Variants in EPS8 observed in about 807,000 individuals in gnomAD.
EPS8 encodes epidermal growth factor receptor kinase substrate 8.
A neutral mutation model predicts 103.8 loss-of-function variants in EPS8; 42 were observed. That is an observed-to-expected ratio of 0.40 (90% confidence interval 0.32 to 0.52). EPS8 has a LOEUF of 0.52. EPS8 is among the 20% of genes least tolerant of loss of function. The pLI, the probability that EPS8 is intolerant of heterozygous loss-of-function variation, is 0.40. For synonymous variants in EPS8, 344 were observed against 344.6 expected, an observed-to-expected ratio of 1.00 and a Z score of 0.02; for missense variants, 969 against 1,005.1, an observed-to-expected ratio of 0.96 and a Z score of 0.49.
rs1216826671 is a variant in EPS8 at position 15,759,134 on chromosome 12, A to G, written c.-22+30027T>C. On this transcript the variant is annotated intron_variant, in intron 1 of 20. Coordinates refer to ENST00000281172, the MANE Select transcript of EPS8 (RefSeq NM_004447.6). The surrounding 1 kb of genome is among the most constrained non-coding windows in gnomAD (Gnocchi z 4.9). ...ATTAGCTTATGTGTTAATATTTCAT[A>G]ATATGGTATTGTTATATCCCCTATG... Among the ~76,000 whole-genome samples, 2 of 152,122 alleles carry G rather than the reference A, an allele frequency of 1.3e-5. No individual in the cohort carries two copies. Among genetic ancestry groups the G allele is most frequent in the African/African-American group, 4.8e-5 (2 of 41,428 alleles).
chr12:15,698,581 G>T lies in EPS8; in HGVS notation c.-21-15609C>A, dbSNP rs951982835. 6.6e-6 allele frequency among the ~76,000 whole-genome samples: 1 copy of T among 151,302 alleles called. No homozygotes were observed. Among genetic ancestry groups the T allele is most frequent in the Non-Finnish European group, 1.5e-5 (1 of 67,896 alleles). On this transcript the variant is annotated intron_variant, in intron 1 of 20. Coordinates refer to ENST00000281172, the MANE Select transcript of EPS8 (RefSeq NM_004447.6). This position sits in a 1 kb window ranked among gnomAD's most constrained non-coding sequence, Gnocchi z 4.9. ...TTAAAAAAAAAAAAAAAATTTAGCTGCTAAGAAGCCCCAGGAATAGCACGT... is the reference window on the plus strand; with the variant it reads ...TTAAAAAAAAAAAAAAAATTTAGCTTCTAAGAAGCCCCAGGAATAGCACGT...
chr12:15,724,652 G>A (rs1050965155), intron 1 of EPS8, among the ~76,000 whole-genome samples: 1 of 152,166 alleles, frequency 6.6e-6, no homozygotes, highest in Non-Finnish European at 1.5e-5. Flanking sequence ...GACCTGGTGG[G>A]AGATAACTGA....
At position 15,784,851 on chromosome 12, in the gene EPS8, T is replaced by A. The variant is rs1400304463; in HGVS notation, c.-22+4310A>T. Among the ~76,000 whole-genome samples, 1 of 152,040 alleles carries A rather than the reference T, an allele frequency of 6.6e-6. No homozygotes were observed. The highest frequency in any genetic ancestry group is 1.5e-5 in the Non-Finnish European group (1 of 67,956). ...TGAACCTTAAATGTGTATTGCTAAA[T>A]GAAAGAAGCCAGTCTGGCAAGGCTG... On this transcript the variant is annotated intron_variant, in intron 1 of 20. Coordinates refer to ENST00000281172, the MANE Select transcript of EPS8 (RefSeq NM_004447.6). This position sits in a 1 kb window ranked among gnomAD's most constrained non-coding sequence, Gnocchi z 4.0.
chr12:15,657,314 T>C (rs768471291), intron 12 of EPS8, among the ~76,000 whole-genome samples: 1 of 152,208 alleles, frequency 6.6e-6, no homozygotes, highest in Non-Finnish European at 1.5e-5. Context: ...ATCTTCTCAG[T>C]GAGGCTTCCT....
At chr12:15,683,129 G>T (rs1946038350) in intron 1 of EPS8, 157 bp from the exon 2 acceptor site, 1 of 443,770 alleles carries the variant, frequency 2.3e-6, no homozygotes, top group African/African-American at 2.1e-5. Flanking sequence ...GGCCCCAGAG[G>T]TATAGATGAA....
intron 20 of EPS8, 126 bp from the exon 21 acceptor site, chr12:15,621,556 G>T: frequency 1.7e-6 from 1 of 581,368 alleles, no homozygotes; most frequent in Non-Finnish European, 3.0e-6. Flanking sequence ...AAAGCTAACA[G>T]CTCTACTTTT....
At chr12:15,668,512 T>C (rs771189462) in intron 6 of EPS8, among the ~76,000 whole-genome samples, 2 of 152,224 alleles carry the variant, frequency 1.3e-5, no homozygotes, top group Admixed American at 1.3e-4. Context: ...ACATTCAAGG[T>C]TGAAGATAAC....
intron 13 of EPS8, 90 bp from the exon 14 acceptor site, chr12:15,651,096 G>T: frequency 1.0e-6 from 1 of 960,666 alleles, no homozygotes; most frequent in Non-Finnish European, 1.6e-6. Context: ...ACATACACAC[G>T]CACACACACA....
intron 20 of EPS8, among the ~76,000 whole-genome samples, chr12:15,622,712 G>A (rs891390358): frequency 1.3e-5 from 2 of 151,212 alleles, no homozygotes; most frequent in African/African-American, 2.4e-5. Flanking sequence ...CCCGATTATT[G>A]AGATGTATTA....
In EPS8 at chr12:15,701,164, A is replaced by C. The variant is rs1171494576; in HGVS notation, c.-21-18192T>G. 1.3e-5 allele frequency among the ~76,000 whole-genome samples: 2 copies of C among 152,202 alleles called. No individual in the cohort carries two copies. The highest frequency in any genetic ancestry group is 4.8e-5 in the African/African-American group (2 of 41,446). Reference sequence around the variant, plus strand: ...TTTCTCTCTCTGAATCAACTGTGTCACCAATATTTAATAATAATTTACAAA... The same window carrying C: ...TTTCTCTCTCTGAATCAACTGTGTCCCCAATATTTAATAATAATTTACAAA... On this transcript the variant is annotated intron_variant, in intron 1 of 20. Coordinates refer to ENST00000281172, the MANE Select transcript of EPS8 (RefSeq NM_004447.6). This position sits in a 1 kb window ranked among gnomAD's most constrained non-coding sequence, Gnocchi z 5.1.
At chr12:15,715,885 A>G (rs571311272) in intron 1 of EPS8, among the ~76,000 whole-genome samples, 48 of 146,434 alleles carry the variant, frequency 3.3e-4, no homozygotes, top group Admixed American at 6.9e-4. Context: ...GACATTAGGG[A>G]AAAAAAAAAA....
rs372784144 is a variant in EPS8, at chr12:15,763,759, T to C, written c.-22+25402A>G. Among the ~76,000 whole-genome samples, 6 of 152,288 alleles carry C rather than the reference T, an allele frequency of 3.9e-5. No individual in the cohort carries two copies. In the East Asian group the frequency reaches 9.7e-4, roughly 24 times the overall value. On this transcript the variant is annotated intron_variant, in intron 1 of 20. Coordinates refer to ENST00000281172, the MANE Select transcript of EPS8 (RefSeq NM_004447.6). The stretch of plus-strand genomic sequence containing the variant: ...TGTAGCCTTCCCATACCATAGCCAG[T>C]GTTGTACTCTAGACATCAAAATCAC...
chr12:15,768,953 T>C (rs1947125939), intron 1 of EPS8, among the ~76,000 whole-genome samples: 1 of 152,208 alleles, frequency 6.6e-6, no homozygotes, highest in Non-Finnish European at 1.5e-5. Context: ...CAGATGAAAT[T>C]ATAATCACCT....
rs1946533995 is a variant in EPS8, at chr12:15,716,411, T to C, written c.-21-33439A>G. Among the ~76,000 whole-genome samples the C allele has an allele frequency of 6.6e-6, 1 of 152,070 alleles. No homozygotes were observed. The highest frequency in any genetic ancestry group is 1.5e-5 in the Non-Finnish European group (1 of 68,022). On this transcript the variant is annotated intron_variant, in intron 1 of 20. Coordinates refer to ENST00000281172, the MANE Select transcript of EPS8 (RefSeq NM_004447.6). This position sits in a 1 kb window ranked among gnomAD's most constrained non-coding sequence, Gnocchi z 5.0. ...AATCATTGTCCAAATATTAAAAAAA[T>C]GGCATGGACTGAAACCATCCATAGT...
chr12:15,641,741 A>G lies in EPS8; in HGVS notation c.1658T>C (p.Leu553Pro). 3 of 1,568,602 alleles carry G rather than the reference A, an allele frequency of 1.9e-6. No homozygotes were observed. The South Asian group carries it at 3.6e-5, about 19-fold the overall frequency. Residue 553 changes from leucine to proline, a missense_variant, in exon 16 of 21, where the codon CTA becomes CCA. Leu to Pro is a moderately conservative substitution (Grantham distance 98, BLOSUM62 -3). Coordinates refer to ENST00000281172, the MANE Select transcript of EPS8 (RefSeq NM_004447.6). Reference sequence around the variant, plus strand: ...TATTACCTCTAAAATATCATCCTTTAGAACCGAGAGCTCACTGTTGTTCCT... The same window carrying G: ...TATTACCTCTAAAATATCATCCTTTGGAACCGAGAGCTCACTGTTGTTCCT... ...VARNNSELSV[L>P]KDDILEILDD... is the part of the protein sequence containing the mutation.
rs983704382 is a variant in EPS8, at chr12:15,734,470, G to A, written c.-21-51498C>T. Among the ~76,000 whole-genome samples the A allele has an allele frequency of 1.3e-5, 2 of 152,098 alleles. No individual in the cohort carries two copies. The highest frequency in any genetic ancestry group is 6.5e-5 in the Admixed American group (1 of 15,280). On this transcript the variant is annotated intron_variant, in intron 1 of 20. Coordinates refer to ENST00000281172, the MANE Select transcript of EPS8 (RefSeq NM_004447.6). The surrounding 1 kb of genome is among the most constrained non-coding windows in gnomAD (Gnocchi z 4.1). The stretch of plus-strand genomic sequence containing the variant: ...AGCACTTTGGGAGGCTGAGGCGGGT[G>A]GATCACGAGGTCAGGAGATCGAGAC...
chr12:15,749,868 C>A lies in EPS8; in HGVS notation c.-22+39293G>T, dbSNP rs895180327. On this transcript the variant is annotated intron_variant, in intron 1 of 20. Transcript: ENST00000281172. This position sits in a 1 kb window ranked among gnomAD's most constrained non-coding sequence, Gnocchi z 4.0. ...AAAATAAATCAGTTCCTTATGTAAA[C>A]AAAATCTAGTAGACTATAGTAATTC... is the stretch of plus-strand genomic sequence containing the variant. Among the ~76,000 whole-genome samples, 1 of 152,086 alleles carries A rather than the reference C, an allele frequency of 6.6e-6. No individual in the cohort carries two copies. Among genetic ancestry groups the A allele is most frequent in the Non-Finnish European group, 1.5e-5 (1 of 68,014 alleles).
At chr12:15,653,740 T>C (rs7295855) in intron 13 of EPS8, among the ~76,000 whole-genome samples, 126,380 of 152,216 alleles carry the variant, frequency 0.83, 56,387 homozygotes, top group Non-Finnish European at 0.98. Flanking sequence ...TTTCCTCATC[T>C]GCAAAATAGG....
In EPS8 at chr12:15,769,816, A is replaced by C. The variant is rs572012578; in HGVS notation, c.-22+19345T>G. On this transcript the variant is annotated intron_variant, in intron 1 of 20. Transcript: ENST00000281172. The surrounding 1 kb of genome is among the most constrained non-coding windows in gnomAD (Gnocchi z 4.6). The stretch of plus-strand genomic sequence containing the variant: ...AAAATTTCCTGAACTTTCTGACCAA[A>C]GTCATGTTTTATTATTTCTCAGATG... 8.5e-5 allele frequency among the ~76,000 whole-genome samples: 13 copies of C among 152,286 alleles called. No homozygotes were observed. Among genetic ancestry groups the C allele is most frequent in the African/African-American group, 2.9e-4 (12 of 41,566 alleles).
Sources: allele counts gnomAD v4.1 joint callset (sites outside exome capture counted in the v4.1 genomes callset), GRCh38; gene constraint gnomAD v4.1.1; non-coding constraint Gnocchi (gnomAD v3.1); transcripts MANE v1.5; gene names NCBI Gene and HGNC (gene_info 2026-07-23, HGNC 2026-07-21).